The following UBE2U variants were observed in gnomAD, a reference collection of about 807,000 sequenced individuals.
UBE2U encodes the protein ubiquitin conjugating enzyme E2 U.
In UBE2U, 39 loss-of-function variants were observed where a neutral mutation model predicts 41.2. That is an observed-to-expected ratio of 0.95 (90% CI 0.73 to 1.24). UBE2U has a LOEUF of 1.24. Among genes scored for constraint, UBE2U ranks in the 50% most tolerant of loss-of-function variants. The pLI is 0.00. For synonymous variants in UBE2U, 107 were observed against 117.8 expected (o/e 0.91, Z 0.60); for missense variants, 336 against 363.1 (o/e 0.93, Z 0.61).
Position 64,247,147 on chromosome 1 carries a change from C to T in UBE2U, c.677+5414C>T, listed in dbSNP as rs149852830. Among the ~76,000 whole-genome samples the T allele has an allele frequency of 3.1e-4, 47 of 151,094 alleles. No individual in the cohort carries two copies. In the East Asian group the frequency reaches 6.2e-3, roughly 20 times the overall value. ...TCTCTTTTTTAGAATAAACACACTC[C>T]GTTCTTTCAGCTGATTTTTATGAAT... On this transcript the variant is annotated intron_variant, in intron 8 of 9. Coordinates refer to ENST00000371077, the MANE Select transcript of UBE2U (RefSeq NM_001366232.2).
At chr1:64,224,080 G>A (rs1652685014) in intron 6 of UBE2U, among the ~76,000 whole-genome samples, 1 of 152,122 alleles carries the variant, frequency 6.6e-6, no homozygotes, top group Admixed American at 6.5e-5. Flanking sequence ...CATAGATGGT[G>A]AACATGCTAA....
intron 6 of UBE2U, among the ~76,000 whole-genome samples, chr1:64,221,885 G>A (rs1652496949): frequency 1.3e-5 from 2 of 152,100 alleles, no homozygotes; most frequent in East Asian, 3.9e-4. Context: ...AGAAGATCGA[G>A]ACCATCCTGG....
At chr1:64,240,125 T>C (rs1267185836) in intron 7 of UBE2U, among the ~76,000 whole-genome samples, 1 of 152,208 alleles carries the variant, frequency 6.6e-6, no homozygotes, top group African/African-American at 2.4e-5. Flanking sequence ...CCAGTGGTGA[T>C]GTAATATGAG....
Position 64,260,639 on chromosome 1 carries a change from A to T in UBE2U, c.714A>T (p.Arg238Ser). Residue 238 changes from arginine to serine, a missense_variant, in exon 9 of 10, where the codon AGA becomes AGT. By Grantham distance (110) the Arg-to-Ser change is moderately radical (BLOSUM62 -1). Coordinates refer to ENST00000371077, the MANE Select transcript of UBE2U (RefSeq NM_001366232.2). ...SVIKCWLARK[R>S]MPHEVTHSME... ...TCAAGTGTTGGCTTGCTAGAAAAAG[A>T]ATGCCTCATGAAGTCACTCACTCAA... is the stretch of plus-strand genomic sequence containing the variant. 1 of 1,549,620 alleles carries T rather than the reference A, an allele frequency of 6.5e-7. No homozygotes were observed. Among genetic ancestry groups the T allele is most frequent in the South Asian group, 1.2e-5 (1 of 83,962 alleles).
intron 4 of UBE2U, 103 bp downstream of exon 4, chr1:64,210,942 GAATTTGA>G: frequency 2.7e-6 from 2 of 730,364 alleles, no homozygotes; most frequent in Non-Finnish European, 4.0e-6. Flanking sequence ...AGTGTTTAAA[GAATTTGA>G]GAAGTTTATT....
At chr1:64,249,723 T>C (rs796174437) in intron 8 of UBE2U, among the ~76,000 whole-genome samples, 28 of 151,666 alleles carry the variant, frequency 1.8e-4, no homozygotes, top group African/African-American at 5.8e-4. Context: ...ATAATCTCTT[T>C]AAAAAAAGAT....
At chr1:64,229,337 A>G (rs189843342) in intron 6 of UBE2U, among the ~76,000 whole-genome samples, 1 of 152,142 alleles carries the variant, frequency 6.6e-6, no homozygotes, top group African/African-American at 2.4e-5. Context: ...GTTTAGAGTT[A>G]ATAGGAGAGA....
intron 6 of UBE2U, among the ~76,000 whole-genome samples, chr1:64,223,407 G>A (rs770581786): frequency 7.2e-5 from 11 of 152,288 alleles, no homozygotes; most frequent in Non-Finnish European, 1.5e-4. Context: ...GAAGACCACA[G>A]GGAAGGTATC....
In UBE2U at chr1:64,232,656, T is replaced by C. The variant is rs1350189755; in HGVS notation, c.595+7T>C. ...GAATACTACAGAACTCCATGTAAGG[T>C]GAACTATCCTTATCCTATGTCCTTT... On this transcript the variant is annotated splice_region_variant and intron_variant, in intron 7 of 9. Coordinates refer to ENST00000371077, the MANE Select transcript of UBE2U (RefSeq NM_001366232.2). 4 of 1,601,244 alleles carry C rather than the reference T, an allele frequency of 2.5e-6. No individual in the cohort carries two copies. In the African/African-American group the frequency reaches 4.0e-5, roughly 16 times the overall value.
chr1:64,205,246 C>A (rs1328963602), intron 1 of UBE2U, among the ~76,000 whole-genome samples: 1 of 152,142 alleles, frequency 6.6e-6, no homozygotes, highest in Non-Finnish European at 1.5e-5. Flanking sequence ...CCACTTCATG[C>A]CTTTCATATA....
At chr1:64,228,855 AT>A (rs56873849) in intron 6 of UBE2U, among the ~76,000 whole-genome samples, 6,259 of 93,810 alleles carry the variant, frequency 0.067, 551 homozygotes, top group African/African-American at 0.26. Flanking sequence ...TGCCCAGGTA[AT>A]TTTTTTTTTT....
At chr1:64,222,056 C>A (rs987697029) in intron 6 of UBE2U, among the ~76,000 whole-genome samples, 3 of 142,120 alleles carry the variant, frequency 2.1e-5, no homozygotes, top group Non-Finnish European at 4.5e-5. Context: ...GGTGCCACTG[C>A]ACTCCAGCCT....
intron 5 of UBE2U, among the ~76,000 whole-genome samples, chr1:64,215,873 A>G (rs1651974981): frequency 6.6e-6 from 1 of 152,078 alleles, no homozygotes; most frequent in Non-Finnish European, 1.5e-5. Flanking sequence ...CTTCTTGTGC[A>G]CAGAAGGGTT....
In UBE2U at chr1:64,214,361, G is replaced by T. The variant is rs191745434; in HGVS notation, c.340-454G>T. ...CCTGTGACTGTGCCTACAGTGATGG[G>T]CAATACAAGTTGAGACCATAATGAC... On this transcript the variant is annotated intron_variant, in intron 4 of 9. Transcript: ENST00000371077. Among the ~76,000 whole-genome samples the T allele has an allele frequency of 1.7e-4, 26 of 152,134 alleles. 1 individual carries two copies. The East Asian group carries it at 5.0e-3, about 29-fold the overall frequency.
intron 8 of UBE2U, among the ~76,000 whole-genome samples, chr1:64,254,625 A>C (rs765865900): frequency 9.2e-5 from 14 of 152,210 alleles, no homozygotes; most frequent in Non-Finnish European, 1.5e-4. Flanking sequence ...AACTAAATGG[A>C]AATTGAGCAA....
At chr1:64,218,202 A>G (rs760777441) in intron 5 of UBE2U, among the ~76,000 whole-genome samples, 24 of 152,170 alleles carry the variant, frequency 1.6e-4, no homozygotes, top group Non-Finnish European at 2.9e-4. Context: ...ATTCAGAACC[A>G]GTTTTGTTGT....
chr1:64,238,569 G>A (rs574313989), intron 7 of UBE2U, among the ~76,000 whole-genome samples: 3 of 152,124 alleles, frequency 2.0e-5, no homozygotes, highest in South Asian at 2.1e-4. Flanking sequence ...TATTAATAAC[G>A]TCTGTAAGAA....
chr1:64,237,337 A>G (rs1644687663), intron 7 of UBE2U, among the ~76,000 whole-genome samples: 1 of 151,882 alleles, frequency 6.6e-6, no homozygotes, highest in Non-Finnish European at 1.5e-5. Flanking sequence ...AGTAGAAGCA[A>G]TGCCCTGGAA....
At position 64,225,301 on chromosome 1, in the gene UBE2U, A is replaced by G. The variant is rs910562620; in HGVS notation, c.506+4394A>G. ...TGAAGACCCTAAATTTAGTATTTGTATGCTGTGAGAGAATCAGTAAGAAGG... is the reference window on the plus strand; with the variant it reads ...TGAAGACCCTAAATTTAGTATTTGTGTGCTGTGAGAGAATCAGTAAGAAGG... On this transcript the variant is annotated intron_variant, in intron 6 of 9. Coordinates refer to ENST00000371077, the MANE Select transcript of UBE2U (RefSeq NM_001366232.2). 2.0e-5 allele frequency among the ~76,000 whole-genome samples: 3 copies of G among 152,318 alleles called. No homozygotes were observed. The East Asian group carries it at 5.8e-4, about 29-fold the overall frequency.
Sources: allele counts gnomAD v4.1 joint callset (sites outside exome capture counted in the v4.1 genomes callset), GRCh38; gene constraint gnomAD v4.1.1; transcripts MANE v1.5; gene names NCBI Gene and HGNC (gene_info 2026-07-23, HGNC 2026-07-21).